The following CELF4 variants were observed in gnomAD, a reference collection of about 807,000 sequenced individuals.
CELF4 encodes CUG-BP- and ETR-3-like factor 4.
CELF4 carries 18 observed loss-of-function variants against 59.9 expected under a neutral mutation model. The observed-to-expected ratio is 0.30, with a 90% CI of 0.21 to 0.45. The LOEUF (loss-of-function observed/expected upper bound fraction) is 0.45, where lower values mean the gene tolerates loss of function less well. CELF4 is among the 20% of genes least tolerant of loss of function. The pLI is 1.00. For missense variants in CELF4, 456 were observed against 689.0 expected, an observed-to-expected ratio of 0.66 and a Z score of 3.79; for synonymous variants, 261 against 267.1, an observed-to-expected ratio of 0.98 and a Z score of 0.22.
intron 3 of CELF4, 43 bp from the exon 4 acceptor site, chr18:37,275,286 G>T: frequency 6.2e-7 from 1 of 1,610,490 alleles, no homozygotes; most frequent in South Asian, 1.1e-5. Context: ...CAGGGACCGG[G>T]CTGCGCGGGA....
intron 2 of CELF4, among the ~76,000 whole-genome samples, chr18:37,455,472 G>C (rs79560368): frequency 0.035 from 5,372 of 152,316 alleles, 120 homozygotes; most frequent in Non-Finnish European, 0.052. Context: ...GCCAAGGCCT[G>C]GGCTGTAGGG....
At chr18:37,366,337 C>T (rs1347531163) in intron 2 of CELF4, among the ~76,000 whole-genome samples, 1 of 152,210 alleles carries the variant, frequency 6.6e-6, no homozygotes, top group Non-Finnish European at 1.5e-5. Context: ...TCAAGTCACA[C>T]CCAGATGTCA....
chr18:37,427,163 C>T (rs796308453), intron 2 of CELF4, among the ~76,000 whole-genome samples: 7 of 152,200 alleles, frequency 4.6e-5, no homozygotes, highest in African/African-American at 1.2e-4. Flanking sequence ...ATCAGCTGGA[C>T]GTGGGGCTTG....
chr18:37,271,547 T>C (rs771668251), intron 7 of CELF4, among the ~76,000 whole-genome samples: 3 of 152,286 alleles, frequency 2.0e-5, no homozygotes, highest in Non-Finnish European at 4.4e-5. Flanking sequence ...TGAGCCACCG[T>C]ACCTGGCCTT....
intron 1 of CELF4, among the ~76,000 whole-genome samples, chr18:37,558,086 C>G (rs1306381678): frequency 6.7e-6 from 1 of 148,736 alleles, no homozygotes; most frequent in African/African-American, 2.5e-5. Context: ...ATTGCAACCT[C>G]CACCACCCAG....
At chr18:37,519,646 G>T (rs2099954904) in intron 1 of CELF4, among the ~76,000 whole-genome samples, 1 of 152,196 alleles carries the variant, frequency 6.6e-6, no homozygotes, top group Admixed American at 6.5e-5. Flanking sequence ...AGTATGTCTG[G>T]CTGGCTGGGC....
chr18:37,339,950 T>G (rs900310366), intron 2 of CELF4, among the ~76,000 whole-genome samples: 2 of 152,154 alleles, frequency 1.3e-5, no homozygotes, highest in Admixed American at 1.3e-4. Flanking sequence ...GGGTTCTGTG[T>G]GTCCGGCTGT....
At chr18:37,349,124 GAC>G (rs1340446241) in intron 2 of CELF4, among the ~76,000 whole-genome samples, 1 of 152,210 alleles carries the variant, frequency 6.6e-6, no homozygotes, top group Non-Finnish European at 1.5e-5. Context: ...GGAGGTGCTG[GAC>G]ACAGTTTGAA....
chr18:37,525,944 AT>A (rs1397311048), intron 1 of CELF4, among the ~76,000 whole-genome samples: 13 of 152,164 alleles, frequency 8.5e-5, no homozygotes, highest in Non-Finnish European at 1.8e-4. Context: ...ATTCTTAAAC[AT>A]TCCTTACCTC....
intron 1 of CELF4, among the ~76,000 whole-genome samples, chr18:37,560,898 C>A (rs893569361): frequency 2.0e-5 from 3 of 152,196 alleles, no homozygotes; most frequent in African/African-American, 7.2e-5. Flanking sequence ...AACACAAATA[C>A]AAGACATAAT....
chr18:37,416,442 A>T (rs1569569237), intron 2 of CELF4, among the ~76,000 whole-genome samples: 1 of 152,150 alleles, frequency 6.6e-6, no homozygotes. Flanking sequence ...GCTTGACTGC[A>T]TATGGTTTTC....
intron 1 of CELF4, among the ~76,000 whole-genome samples, chr18:37,562,773 C>A (rs1283003062): frequency 6.6e-6 from 1 of 152,166 alleles, no homozygotes; most frequent in African/African-American, 2.4e-5. Flanking sequence ...ATAAACCAGA[C>A]CTCGGAAACG....
chr18:37,322,182 T>A (rs982149536), intron 2 of CELF4, among the ~76,000 whole-genome samples: 1 of 152,224 alleles, frequency 6.6e-6, no homozygotes, highest in Non-Finnish European at 1.5e-5. Context: ...AATCTGAGGT[T>A]GACAGAAATG....
At chr18:37,437,754 A>G (rs1454304679) in intron 2 of CELF4, among the ~76,000 whole-genome samples, 2 of 152,222 alleles carry the variant, frequency 1.3e-5, no homozygotes, top group Admixed American at 6.5e-5. Context: ...AGCCAGAGAC[A>G]GAGATAATGA....
At chr18:37,402,226 C>T (rs192286370) in intron 2 of CELF4, among the ~76,000 whole-genome samples, 1 of 152,282 alleles carries the variant, frequency 6.6e-6, no homozygotes, top group East Asian at 1.9e-4. Context: ...TGAGGTGAAT[C>T]CATAAGTGTT....
chr18:37,503,909 G>T (rs1039488653), intron 1 of CELF4, among the ~76,000 whole-genome samples: 23 of 152,188 alleles, frequency 1.5e-4, no homozygotes, highest in African/African-American at 5.3e-4. Flanking sequence ...TCTGGAGTGG[G>T]TAAGTAAGGC....
intron 2 of CELF4, among the ~76,000 whole-genome samples, chr18:37,474,697 C>G (rs2099843854): frequency 6.6e-6 from 1 of 152,252 alleles, no homozygotes; most frequent in African/African-American, 2.4e-5. Flanking sequence ...AGCGAGTACA[C>G]AGTGATTGGT....
At chr18:37,292,553 C>T (rs1039998753) in intron 3 of CELF4, among the ~76,000 whole-genome samples, 2 of 152,184 alleles carry the variant, frequency 1.3e-5, no homozygotes, top group Non-Finnish European at 2.9e-5. Flanking sequence ...GGAAGTGACG[C>T]GGGCAGGCCA....
chr18:37,258,264 C>G (rs894218513), intron 11 of CELF4, among the ~76,000 whole-genome samples: 2 of 148,094 alleles, frequency 1.4e-5, no homozygotes, highest in African/African-American at 5.0e-5. Flanking sequence ...CCGTGAAACA[C>G]CCCCCTCTGC....
Sources: gnomAD v4.1 joint callset for allele counts (sites outside exome capture counted in the v4.1 genomes callset) on GRCh38, gnomAD v4.1.1 for gene constraint, MANE v1.5 for transcripts, NCBI Gene and HGNC (gene_info 2026-07-23, HGNC 2026-07-21) for gene names.